Variants in ANK1 observed in about 807,000 individuals in gnomAD.
ANK1 encodes the protein ankyrin-1.
ANK1 carries 51 observed loss-of-function variants against 210.4 expected under a neutral mutation model. That is an observed-to-expected ratio of 0.24 (90% CI 0.19 to 0.31). The LOEUF (loss-of-function observed/expected upper bound fraction) is 0.31, where lower values mean the gene tolerates loss of function less well. ANK1 is among the 10% of genes least tolerant of loss of function. ANK1 has a pLI of 1.00. For missense variants in ANK1, 2,051 were observed against 2,504.4 expected (o/e 0.82, Z 3.86); for synonymous variants, 967 against 1,025.9 (o/e 0.94, Z 1.10).
intron 2 of ANK1, among the ~76,000 whole-genome samples, chr8:41,740,109 C>T (rs1336114925): frequency 6.6e-6 from 1 of 151,066 alleles, no homozygotes; most frequent in Non-Finnish European, 1.5e-5. Flanking sequence ...GAGTTTCTTG[C>T]TCCTCCCCCA....
At chr8:41,896,682 GCCC>G (rs1408560388) in exon 1 of ANK1, 2 of 537,380 alleles carry the variant, frequency 3.7e-6, no homozygotes, top group African/African-American at 4.1e-5. Flanking sequence ...GCTGCCCGCG[GCCC>G]GGGATGGCGC....
At chr8:41,738,865 G>A (rs1460125816) in intron 2 of ANK1, among the ~76,000 whole-genome samples, 1 of 152,238 alleles carries the variant, frequency 6.6e-6, no homozygotes, top group Non-Finnish European at 1.5e-5. Context: ...GGGGATTGGA[G>A]GTGTGGATAA....
chr8:41,851,035 C>A (rs926434221), intron 1 of ANK1, among the ~76,000 whole-genome samples: 1 of 152,236 alleles, frequency 6.6e-6, no homozygotes, highest in Admixed American at 6.5e-5. Flanking sequence ...GGCACCTCCC[C>A]AGAAATCTTA....
At chr8:41,721,571 C>T (rs1040396565) in intron 9 of ANK1, among the ~76,000 whole-genome samples, 14 of 148,540 alleles carry the variant, frequency 9.4e-5, no homozygotes, top group South Asian at 8.4e-4. Flanking sequence ...GCACGAGAAT[C>T]GATTGAACCT....
At chr8:41,675,923 T>G (rs1031297156) in intron 37 of ANK1, among the ~76,000 whole-genome samples, 2 of 152,266 alleles carry the variant, frequency 1.3e-5, no homozygotes, top group Admixed American at 1.3e-4. Context: ...AATTTGGGTT[T>G]CATCCATGCT....
chr8:41,715,029 G>T lies in ANK1; in HGVS notation c.1648C>A (p.Arg550=). 1 of 1,614,062 alleles carries T rather than the reference G, an allele frequency of 6.2e-7. No homozygotes were observed. Among genetic ancestry groups the T allele is most frequent in the Non-Finnish European group, 8.5e-7 (1 of 1,179,996 alleles). The change falls in exon 15 of 43, where the codon CGG becomes AGG. Residue 550 remains arginine, a synonymous_variant. Coordinates refer to ENST00000289734, the MANE Select transcript of ANK1 (RefSeq NM_000037.4). ...CGCTCCAGCAGCAGCTCTGCCACCC[G>T]CACCTTCCCGTACTTGGCCGCCACG... is the stretch of plus-strand genomic sequence containing the variant. The part of the protein sequence containing the change: ...LHVAAKYGKV[R]VAELLLERDA...
At chr8:41,822,194 GAAAGA>G (rs1378799743) in intron 1 of ANK1, among the ~76,000 whole-genome samples, 4 of 150,528 alleles carry the variant, frequency 2.7e-5, no homozygotes, top group Non-Finnish European at 5.9e-5. Flanking sequence ...AAGAAGGAAA[GAAAGA>G]AAAGAAAGAA....
Position 41,655,509 on chromosome 8 carries a change from G to C in ANK1, c.*281C>G, listed in dbSNP as rs1421744180. Reference sequence around the variant, plus strand: ...CTATCCCTCTCTCTCCCCGCTTCTTGCTGCTTTTGTGTCCTGGTTCCGACA... The same window carrying C: ...CTATCCCTCTCTCTCCCCGCTTCTTCCTGCTTTTGTGTCCTGGTTCCGACA... On this transcript the variant is annotated 3_prime_UTR_variant, in exon 43 of 43. Transcript: ENST00000289734. 1 of 557,620 alleles carries C rather than the reference G, an allele frequency of 1.8e-6. No individual in the cohort carries two copies. The highest frequency in any genetic ancestry group is 3.2e-6 in the Non-Finnish European group (1 of 315,976). 34.5% of individuals were successfully genotyped at this position (557,620 alleles called of 1,614,324 possible).
At chr8:41,865,752 G>T (rs1268431068) in intron 1 of ANK1, among the ~76,000 whole-genome samples, 11 of 151,940 alleles carry the variant, frequency 7.2e-5, no homozygotes, top group Non-Finnish European at 1.6e-4. Flanking sequence ...CCTCTGGAAG[G>T]TTCAGTCCGC....
upstream of ANK1, among the ~76,000 whole-genome samples, chr8:41,798,425 G>A (rs889731490): frequency 4.6e-5 from 7 of 152,228 alleles, no homozygotes; most frequent in African/African-American, 1.7e-4. Context: ...GATGGCGCGG[G>A]CAGGGGGGCG....
At chr8:41,770,746 G>A (rs529104503) in intron 1 of ANK1, among the ~76,000 whole-genome samples, 1 of 152,342 alleles carries the variant, frequency 6.6e-6, no homozygotes, top group East Asian at 1.9e-4. Flanking sequence ...CCCAAGAGGA[G>A]GAGAAAGAAC....
chr8:41,869,453 G>A (rs1815071773), intron 1 of ANK1, among the ~76,000 whole-genome samples: 1 of 152,172 alleles, frequency 6.6e-6, no homozygotes, highest in African/African-American at 2.4e-5. Context: ...GGTGGCTCTC[G>A]CCTGTTGTCC....
rs10544043 is a variant in ANK1, at chr8:41,883,440, A to ATGTTTGTT, written c.126+12907_126+12914dup. On this transcript the variant is annotated intron_variant, in intron 1 of 42. Transcript: ENST00000265709. ...CATAACAGGTACCGAGAAGGATCTC[A>ATGTTTGTT]TGTTTGTTTGTTTGTTTGTTTGTTT... Among the ~76,000 whole-genome samples the ATGTTTGTT allele has an allele frequency of 3.4e-3, 507 of 150,238 alleles. 2 individuals carry two copies. The highest frequency in any genetic ancestry group is 9.0e-3 in the East Asian group (46 of 5,086).
intron 1 of ANK1, chr8:41,828,992 C>G (rs1252314087): frequency 3.3e-5 from 5 of 152,300 alleles, no homozygotes; most frequent in Non-Finnish European, 7.3e-5. Context: ...TCTAGGCCAT[C>G]TTGATTCCAC....
chr8:41,696,811 C>G (rs1754447768), intron 24 of ANK1, 38 bp from the exon 25 acceptor site: 1 of 1,566,982 alleles, frequency 6.4e-7, no homozygotes, highest in African/African-American at 1.3e-5. Context: ...CCCACCTCCT[C>G]CCGGGCCAGC....
chr8:41,695,055 G>T, intron 27 of ANK1, 122 bp downstream of exon 27: 2 of 1,362,032 alleles, frequency 1.5e-6, no homozygotes, highest in Non-Finnish European at 2.1e-6. Flanking sequence ...TCCACACCAG[G>T]CCATTCTCAG....
chr8:41,860,296 A>G (rs953831178), intron 1 of ANK1, among the ~76,000 whole-genome samples: 1 of 152,190 alleles, frequency 6.6e-6, no homozygotes, highest in Non-Finnish European at 1.5e-5. Context: ...CCAAGCAAGC[A>G]GTGAGGTTTC....
In ANK1 at chr8:41,825,339, A is replaced by T. The variant is rs16890856; in HGVS notation, c.127-67202T>A. On this transcript the variant is annotated intron_variant, in intron 1 of 42. Transcript: ENST00000265709. ...AATGTAAATGATCAATACTCTATTA[A>T]TCTTTCATCACAATTATTAGTAAGC... Among the ~76,000 whole-genome samples the T allele has an allele frequency of 8.7e-3, 1,329 of 152,300 alleles. 21 individuals are homozygous for T. Among genetic ancestry groups the T allele is most frequent in the African/African-American group, 0.031 (1,270 of 41,562 alleles).
In ANK1 at chr8:41,712,109, G is replaced by A. The variant is rs371759366; in HGVS notation, c.1800+2047C>T. On this transcript the variant is annotated intron_variant, in intron 16 of 42. Transcript: ENST00000289734. ...CCGGCTAATTTTTGTATTTTTAGTA[G>A]AGACGGGGTTTCACCATGTTGGCCA... Among the ~76,000 whole-genome samples, 19 of 152,220 alleles carry A rather than the reference G, an allele frequency of 1.2e-4. No homozygotes were observed. The East Asian group carries it at 3.1e-3, about 25-fold the overall frequency.
Sources: allele counts gnomAD v4.1 joint callset (sites outside exome capture counted in the v4.1 genomes callset), GRCh38; gene constraint gnomAD v4.1.1; transcripts MANE v1.5; gene names NCBI Gene and HGNC (gene_info 2026-07-23, HGNC 2026-07-21).